The following NRG3 variants were observed in gnomAD, a reference collection of about 807,000 sequenced individuals.
The protein encoded by NRG3 is pro-neuregulin-3, membrane-bound isoform.
A neutral mutation model predicts 66.9 loss-of-function variants in NRG3; 31 were observed. That is an observed-to-expected ratio of 0.46 (90% confidence interval 0.35 to 0.63). The LOEUF is 0.63. NRG3 is among the 20% of genes least tolerant of loss of function. NRG3 has a pLI of 0.00. For synonymous variants in NRG3, 393 were observed against 359.4 expected (o/e 1.09, Z -1.06); for missense variants, 910 against 878.9 (o/e 1.04, Z -0.45).
Position 82,215,942 on chromosome 10 carries a change from G to A in NRG3, c.824-142797G>A, listed in dbSNP as rs1218946000. ...ATTTGTCAGGAAAAATTCGTGGTTT[G>A]TTTATATTTTTTATGTTTTCCTTTT... On this transcript the variant is annotated intron_variant, in intron 1 of 8. Transcript: ENST00000372141. 3.2e-5 allele frequency among the ~76,000 whole-genome samples: 3 copies of A among 94,616 alleles called. No individual in the cohort carries two copies. In the South Asian group the frequency reaches 1.1e-3, roughly 33 times the overall value. 62.1% of individuals were successfully genotyped at this position (94,616 alleles called of 152,430 possible). A position where few individuals can be genotyped will look rare whatever the true frequency, so the allele number is the denominator to read the frequency against.
chr10:82,667,182 C>A (rs2052861045), intron 2 of NRG3, among the ~76,000 whole-genome samples: 1 of 152,082 alleles, frequency 6.6e-6, no homozygotes, highest in African/African-American at 2.4e-5. Context: ...AACCTAAAGC[C>A]CAAAGGTAGC....
chr10:81,878,184 C>A, intron 1 of NRG3: 2 of 1,168,080 alleles, frequency 1.7e-6, no homozygotes, highest in Non-Finnish European at 2.3e-6. Flanking sequence ...ATTGACAGGG[C>A]CCTCAGCCCC....
At chr10:82,923,502 A>ATGTT (rs1846660884) in intron 4 of NRG3, among the ~76,000 whole-genome samples, 1 of 152,250 alleles carries the variant, frequency 6.6e-6, no homozygotes, top group Non-Finnish European at 1.5e-5. Context: ...ATGTCTGTTC[A>ATGTT]TGTTAGAGTT....
intron 2 of NRG3, among the ~76,000 whole-genome samples, chr10:82,603,067 AC>A (rs2047731325): frequency 6.6e-6 from 1 of 152,216 alleles, no homozygotes; most frequent in South Asian, 2.1e-4. Flanking sequence ...GGAATCTGGT[AC>A]TTGGAAGATG....
chr10:82,269,161 T>C (rs1332133412), intron 1 of NRG3, among the ~76,000 whole-genome samples: 1 of 152,120 alleles, frequency 6.6e-6, no homozygotes, highest in African/African-American at 2.4e-5. Flanking sequence ...CTGAGACTAG[T>C]CACTATTTTA....
chr10:82,108,697 G>A (rs1373225237), intron 1 of NRG3, among the ~76,000 whole-genome samples: 1 of 152,184 alleles, frequency 6.6e-6, no homozygotes, highest in East Asian at 1.9e-4. Flanking sequence ...AGTAATTACA[G>A]TAGTAGTATT....
intron 1 of NRG3, among the ~76,000 whole-genome samples, chr10:81,934,081 T>C (rs1847638986): frequency 6.6e-6 from 1 of 152,212 alleles, no homozygotes; most frequent in Non-Finnish European, 1.5e-5. Flanking sequence ...CCAATGATCA[T>C]ACCAGACAGA....
chr10:82,503,924 C>T (rs925059059), intron 2 of NRG3, among the ~76,000 whole-genome samples: 1 of 152,042 alleles, frequency 6.6e-6, no homozygotes, highest in South Asian at 2.1e-4. Flanking sequence ...GGCAGACGGC[C>T]TGGACAACAG....
chr10:82,741,272 G>T lies in NRG3; in HGVS notation c.1027+2622G>T, dbSNP rs1393051472. On this transcript the variant is annotated intron_variant, in intron 3 of 8. Transcript: ENST00000372141. ...TGTTAATACAAAAGTGTGCAAACAG[G>T]ATTTAGGCCCTGAGGATCCCGCAGA... 3.3e-5 allele frequency among the ~76,000 whole-genome samples: 5 copies of T among 151,990 alleles called. No individual in the cohort carries two copies. In the East Asian group the frequency reaches 9.7e-4, roughly 29 times the overall value.
At chr10:82,481,362 G>A (rs1364481451) in intron 2 of NRG3, among the ~76,000 whole-genome samples, 3 of 152,082 alleles carry the variant, frequency 2.0e-5, no homozygotes, top group Non-Finnish European at 4.4e-5. Flanking sequence ...AGTGCAGCGT[G>A]TCTGATCCCC....
chr10:82,140,801 A>T (rs2069720596), intron 1 of NRG3, among the ~76,000 whole-genome samples: 1 of 152,184 alleles, frequency 6.6e-6, no homozygotes, highest in Admixed American at 6.5e-5. Flanking sequence ...CTTGGCACGA[A>T]GTTTCACACT....
intron 1 of NRG3, among the ~76,000 whole-genome samples, chr10:81,980,588 C>T (rs1463388494): frequency 6.6e-6 from 1 of 152,174 alleles, no homozygotes; most frequent in Non-Finnish European, 1.5e-5. Flanking sequence ...AGGGCACAGA[C>T]ACTATATACA....
intron 2 of NRG3, among the ~76,000 whole-genome samples, chr10:82,719,035 A>G (rs1415428829): frequency 2.0e-5 from 3 of 152,186 alleles, no homozygotes; most frequent in Non-Finnish European, 4.4e-5. Flanking sequence ...TTTATAAGTA[A>G]TGAGTAGGCA....
At chr10:82,680,770 T>G (rs2054054436) in intron 2 of NRG3, among the ~76,000 whole-genome samples, 1 of 152,214 alleles carries the variant, frequency 6.6e-6, no homozygotes, top group Non-Finnish European at 1.5e-5. Context: ...ACATAATAAA[T>G]GCCCTAGTTT....
intron 2 of NRG3, among the ~76,000 whole-genome samples, chr10:82,464,863 C>T (rs1040233710): frequency 2.0e-5 from 3 of 152,202 alleles, no homozygotes; most frequent in Admixed American, 1.3e-4. Flanking sequence ...ACTTAAGAAG[C>T]AGGAGTGTTT....
At chr10:82,262,245 A>G (rs1469394915) in intron 1 of NRG3, among the ~76,000 whole-genome samples, 1 of 152,236 alleles carries the variant, frequency 6.6e-6, no homozygotes, top group Non-Finnish European at 1.5e-5. Context: ...AAGGAATAAC[A>G]TAAATTGTGT....
intron 1 of NRG3, among the ~76,000 whole-genome samples, chr10:82,026,449 T>G (rs138665287): frequency 1.3e-5 from 2 of 152,114 alleles, no homozygotes; most frequent in African/African-American, 4.8e-5. Context: ...AGGTTTATCT[T>G]GCTTCTGATA....
chr10:82,048,419 C>A (rs1178307223), intron 1 of NRG3, among the ~76,000 whole-genome samples: 2 of 152,100 alleles, frequency 1.3e-5, no homozygotes, highest in African/African-American at 2.4e-5. Context: ...ACAGTGCAAT[C>A]AAACTAGAAC....
At chr10:82,586,551 T>A (rs2046681907) in intron 2 of NRG3, among the ~76,000 whole-genome samples, 1 of 152,178 alleles carries the variant, frequency 6.6e-6, no homozygotes, top group Non-Finnish European at 1.5e-5. Context: ...TGGTTTAATT[T>A]CCTCAGTTAT....
Sources: allele counts gnomAD v4.1 joint callset (sites outside exome capture counted in the v4.1 genomes callset), GRCh38; gene constraint gnomAD v4.1.1; transcripts MANE v1.5; gene names NCBI Gene and HGNC (gene_info 2026-07-23, HGNC 2026-07-21).